C1orf50: variants seen among roughly 807,000 people sequenced by gnomAD.
The protein encoded by C1orf50 is uncharacterized protein C1orf50.
In C1orf50, 22 loss-of-function variants were observed where a neutral mutation model predicts 23.3. The ratio of observed to expected loss-of-function variants is 0.94; its 90% CI spans 0.67 to 1.35. The LOEUF is 1.35. C1orf50 is among the 40% of genes most tolerant of loss of function. The pLI is 0.00. For synonymous variants in C1orf50, 96 were observed against 102.4 expected (o/e 0.94, Z 0.38); for missense variants, 271 against 249.4 (o/e 1.09, Z -0.58).
Position 42,775,590 on chromosome 1 carries a change from G to C in C1orf50, c.*196G>C, listed in dbSNP as rs937333420. On this transcript the variant is annotated 3_prime_UTR_variant, in exon 5 of 5. Coordinates refer to ENST00000372525, the MANE Select transcript of C1orf50 (RefSeq NM_024097.4). ...CATTGAGACAGAGTCACTGTCTTTC[G>C]GGATCCTCTTTGGACCACAGATACC... The C allele has an allele frequency of 8.2e-6, 4 of 489,112 alleles. No homozygotes were observed. The highest frequency in any genetic ancestry group is 1.4e-5 in the Non-Finnish European group (4 of 279,382). The allele number at this position is 489,112 out of a possible 1,614,324, so 30.3% of individuals were successfully genotyped here. A position where few individuals can be genotyped will look rare whatever the true frequency, so the allele number is the denominator to read the frequency against.
chr1:42,773,050 A>G (rs947614774), intron 2 of C1orf50: 3 of 152,544 alleles, frequency 2.0e-5, no homozygotes, highest in African/African-American at 7.2e-5. Flanking sequence ...ATGTGTATCT[A>G]GATTTCTACC....
rs200226169 is a variant in C1orf50, at chr1:42,774,747, A to T, written c.293A>T (p.Asp98Val). 6.2e-7 allele frequency: 1 copy of T among 1,611,214 alleles called. No individual in the cohort carries two copies. The change falls in exon 4 of 5, where the codon GAT becomes GTT. Residue 98 changes from aspartate to valine, a missense_variant. Asp to Val is a radical substitution (Grantham distance 152, BLOSUM62 -3). Transcript: ENST00000372525. ...ATCTGTGATTCATAGGTACTGGAAG[A>T]TGCTCACAGAGATGCCAACCTGCAC... Reference protein sequence around the residue: ...LQEQARKVLEDAHRDANLHHV... With the variant: ...LQEQARKVLEVAHRDANLHHV...
chr1:42,774,863 C>G lies in C1orf50; in HGVS notation c.409C>G (p.Pro137Ala). 2.5e-6 allele frequency: 4 copies of G among 1,611,086 alleles called. No individual in the cohort carries two copies. Among genetic ancestry groups the G allele is most frequent in the Non-Finnish European group, 2.5e-6 (3 of 1,179,306 alleles). ...SGQQYFSIISPKEWGTSCPHD... is the reference protein window; with the variant it reads ...SGQQYFSIISAKEWGTSCPHD... The stretch of plus-strand genomic sequence containing the variant: ...TCAGCAGTATTTTTCCATCATTTCT[C>G]CAAAGGTAAGAACATACATTGTTTG... Residue 137 changes from proline to alanine, a missense_variant, in exon 4 of 5, where the codon CCA becomes GCA. Pro to Ala is a conservative substitution (Grantham distance 27). Transcript: ENST00000372525.
intron 2 of C1orf50, among the ~76,000 whole-genome samples, chr1:42,769,031 A>G (rs1233285164): frequency 6.6e-6 from 1 of 152,188 alleles, no homozygotes; most frequent in Admixed American, 6.5e-5. Flanking sequence ...TGGGAGGCCA[A>G]GGTGGGTGGA....
chr1:42,773,291 G>C, intron 2 of C1orf50: 1 of 258,220 alleles, frequency 3.9e-6, no homozygotes, highest in Non-Finnish European at 7.5e-6. Context: ...GAAGTTCAGT[G>C]TAACTGCAGT....
Position 42,767,279 on chromosome 1 carries a change from C to G in C1orf50, c.-33C>G. 6.8e-7 allele frequency: 1 copy of G among 1,474,838 alleles called. No homozygotes were observed. Among genetic ancestry groups the G allele is most frequent in the Non-Finnish European group, 9.0e-7 (1 of 1,116,346 alleles). 91.4% of individuals were successfully genotyped at this position (1,474,838 alleles called of 1,614,324 possible). ...TATGCGCAGGCTCTTCCTACTCGCA[C>G]AGCCCAGGGAGTGGGGAGGATAAGG... On this transcript the variant is annotated 5_prime_UTR_variant, in exon 1 of 5. Coordinates refer to ENST00000372525, the MANE Select transcript of C1orf50 (RefSeq NM_024097.4).
Position 42,773,517 on chromosome 1 carries a change from G to T in C1orf50, c.196-46G>T, listed in dbSNP as rs780550082. 12 of 1,140,210 alleles carry T rather than the reference G, an allele frequency of 1.1e-5. No individual in the cohort carries two copies. In the South Asian group the frequency reaches 1.4e-4, roughly 14 times the overall value. 70.6% of individuals were successfully genotyped at this position (1,140,210 alleles called of 1,614,324 possible). A position where few individuals can be genotyped will look rare whatever the true frequency, so the allele number is the denominator to read the frequency against. ...GGATCAAGATAAGAACATCATAGAA[G>T]TCTTTTCCTCTTTCAACCCACAGTT... On this transcript the variant is annotated intron_variant, in intron 2 of 4. Coordinates refer to ENST00000372525, the MANE Select transcript of C1orf50 (RefSeq NM_024097.4).
At chr1:42,767,691 T>C in intron 2 of C1orf50, 67 bp downstream of exon 2, 1 of 1,410,384 alleles carries the variant, frequency 7.1e-7, no homozygotes, top group East Asian at 2.4e-5. Context: ...GTCTTTCGGC[T>C]CAGACCTCAC....
chr1:42,773,369 G>C, intron 2 of C1orf50, 194 bp from the exon 3 acceptor site: 2 of 466,976 alleles, frequency 4.3e-6, no homozygotes, highest in Admixed American at 3.8e-5. Flanking sequence ...GTGGAGTCAT[G>C]TCAGGGTGGC....
chr1:42,772,437 A>G (rs1021729766), intron 2 of C1orf50, among the ~76,000 whole-genome samples: 4 of 152,198 alleles, frequency 2.6e-5, no homozygotes, highest in African/African-American at 4.8e-5. Context: ...TTCCCAGCAC[A>G]TGAATTTGTC....
chr1:42,772,487 A>T lies in C1orf50; in HGVS notation c.196-1076A>T, dbSNP rs568469953. Among the ~76,000 whole-genome samples, 17 of 152,284 alleles carry T rather than the reference A, an allele frequency of 1.1e-4. No individual in the cohort carries two copies. In the South Asian group the frequency reaches 3.5e-3, roughly 32 times the overall value. Reference sequence around the variant, plus strand: ...TAGCTTTGAGAATTTGATCTATTTTAAGAAATGTCCTGGCTGGGCTCAGTG... The same window carrying T: ...TAGCTTTGAGAATTTGATCTATTTTTAGAAATGTCCTGGCTGGGCTCAGTG... On this transcript the variant is annotated intron_variant, in intron 2 of 4. Coordinates refer to ENST00000372525, the MANE Select transcript of C1orf50 (RefSeq NM_024097.4).
rs916599108 is a variant in C1orf50 at position 42,778,885 on chromosome 1, A to G, written c.*3491A>G. On this transcript the variant is annotated 3_prime_UTR_variant, in exon 5 of 5. Transcript: ENST00000372525. ...GGGTAGAGGGAAGACAGGAGATTCC[A>G]TCCCTAATCAAGGCAAGGGATGATG... The G allele has an allele frequency of 1.6e-4, 24 of 150,242 alleles. No individual in the cohort carries two copies. Among genetic ancestry groups the G allele is most frequent in the African/African-American group, 5.9e-4 (24 of 40,930 alleles). 9.3% of individuals were successfully genotyped at this position (150,242 alleles called of 1,614,324 possible).
intron 2 of C1orf50, 135 bp downstream of exon 2, chr1:42,767,759 C>T (rs1486369749): frequency 2.6e-6 from 2 of 780,510 alleles, no homozygotes; most frequent in African/African-American, 1.8e-5. Context: ...ACGAGTAAAG[C>T]CGACTGTCAT....
In C1orf50 at chr1:42,778,411, G is replaced by A. The variant is rs1653381726; in HGVS notation, c.*3017G>A. On this transcript the variant is annotated 3_prime_UTR_variant, in exon 5 of 5. Transcript: ENST00000372525. ...GGAGGGGTTCCTTACTGAGCTTGGA[G>A]AATTTGGGAAGACACTTGGAGGAGC... The A allele has an allele frequency of 2.0e-5, 3 of 152,348 alleles. No individual in the cohort carries two copies. The South Asian group carries it at 6.2e-4, about 32-fold the overall frequency. 9.4% of individuals were successfully genotyped at this position (152,348 alleles called of 1,614,324 possible).
Position 42,774,865 on chromosome 1 carries a change from A to G in C1orf50, c.411A>G (p.Pro137=). Residue 137 remains proline, a synonymous_variant, in exon 4 of 5, where the codon CCA becomes CCG. Transcript: ENST00000372525. The stretch of plus-strand genomic sequence containing the variant: ...AGCAGTATTTTTCCATCATTTCTCC[A>G]AAGGTAAGAACATACATTGTTTGCC... ...SGQQYFSIIS[P]KEWGTSCPHD... is the part of the protein sequence containing the mutation. The G allele has an allele frequency of 6.2e-7, 1 of 1,610,952 alleles. No individual in the cohort carries two copies. Among genetic ancestry groups the G allele is most frequent in the Non-Finnish European group, 8.5e-7 (1 of 1,179,320 alleles).
At position 42,774,806 on chromosome 1, in the gene C1orf50, A is replaced by G; in HGVS notation, c.352A>G (p.Asn118Asp). The change falls in exon 4 of 5, where the codon AAC becomes GAC. Residue 118 changes from asparagine to aspartate, a missense_variant. Coordinates refer to ENST00000372525, the MANE Select transcript of C1orf50 (RefSeq NM_024097.4). ...TTGTAATATAGTGAAAAAACCTGGCAACATTTACTATCTCTATAAACGGGA... is the reference window on the plus strand; with the variant it reads ...TTGTAATATAGTGAAAAAACCTGGCGACATTTACTATCTCTATAAACGGGA... ...VACNIVKKPGNIYYLYKRESG... is the reference protein window; with the variant it reads ...VACNIVKKPGDIYYLYKRESG... 2 of 1,613,830 alleles carry G rather than the reference A, an allele frequency of 1.2e-6. No homozygotes were observed. The highest frequency in any genetic ancestry group is 2.2e-5 in the South Asian group (2 of 91,080).
At chr1:42,768,255 A>G (rs1045573349) in intron 2 of C1orf50, among the ~76,000 whole-genome samples, 1 of 152,192 alleles carries the variant, frequency 6.6e-6, no homozygotes, top group African/African-American at 2.4e-5. Flanking sequence ...GACCTCAACT[A>G]TTTTATCTGT....
chr1:42,775,299 C>T lies in C1orf50; in HGVS notation c.505C>T (p.Gln169Ter). The T allele has an allele frequency of 6.2e-7, 1 of 1,613,402 alleles. No homozygotes were observed. The highest frequency in any genetic ancestry group is 1.3e-5 in the African/African-American group (1 of 75,046). ...GACTCCGTATGAGGACATTGAGAAG[C>T]AAGATGCTAAAATCAGCATGATGGA... ...SWTPYEDIEKQDAKISMMDTL... is the reference protein window; with the variant it reads ...SWTPYEDIEK Residue 169 changes from glutamine (Q) to a stop codon, truncating the protein, a stop_gained, in exon 5 of 5, where the codon CAA (glutamine) becomes TAA (stop). Coordinates refer to ENST00000372525, the MANE Select transcript of C1orf50 (RefSeq NM_024097.4). LOFTEE classifies it high-confidence loss of function.
chr1:42,773,478 T>G (rs949024816), intron 2 of C1orf50, 85 bp from the exon 3 acceptor site: 3 of 845,494 alleles, frequency 3.5e-6, no homozygotes, highest in Admixed American at 4.9e-5. Flanking sequence ...AAGCAAAATA[T>G]TAACATAACC....
Sources: gnomAD v4.1 joint callset for allele counts (sites outside exome capture counted in the v4.1 genomes callset) on GRCh38, gnomAD v4.1.1 for gene constraint, MANE v1.5 for transcripts, NCBI Gene and HGNC (gene_info 2026-07-23, HGNC 2026-07-21) for gene names.